The following DSCAM variants were observed in gnomAD, a reference collection of about 807,000 sequenced individuals.
DSCAM encodes the protein cell adhesion molecule DSCAM.
A neutral mutation model predicts 217.7 loss-of-function variants in DSCAM; 47 were observed. The ratio of observed to expected loss-of-function variants is 0.22; its 90% confidence interval spans 0.17 to 0.28. The LOEUF (loss-of-function observed/expected upper bound fraction) is 0.28. Among genes scored for constraint, DSCAM ranks in the 10% least tolerant of loss-of-function variants. DSCAM has a pLI of 1.00. For synonymous variants in DSCAM, 1,056 were observed against 1,015.3 expected, an observed-to-expected ratio of 1.04 and a Z score of -0.76; for missense variants, 2,080 against 2,618.3, an observed-to-expected ratio of 0.79 and a Z score of 4.49.
At chr21:40,667,155 C>T (rs558594195) in intron 3 of DSCAM, among the ~76,000 whole-genome samples, 3 of 152,274 alleles carry the variant, frequency 2.0e-5, no homozygotes, top group Non-Finnish European at 2.9e-5. Context: ...AAGTGAAAGC[C>T]ACTTCCTGTG....
rs10658416 is a variant in DSCAM, at chr21:40,350,877, C to CTTTTTT, written c.934+2582_934+2587dup. 4.1e-3 allele frequency among the ~76,000 whole-genome samples: 264 copies of CTTTTTT among 63,876 alleles called. 50 individuals are homozygous for CTTTTTT. Among genetic ancestry groups the CTTTTTT allele is most frequent in the African/African-American group, 0.016 (244 of 15,414 alleles). 41.9% of individuals were successfully genotyped at this position (63,876 alleles called of 152,430 possible). ...AAAAGTGTTTAGCAAATAAGTCATA[C>CTTTTTT]TTTTTTTTTTTTTTTTTTTTTTTTT... On this transcript the variant is annotated intron_variant, in intron 5 of 32. Coordinates refer to ENST00000400454, the MANE Select transcript of DSCAM (RefSeq NM_001389.5).
At chr21:40,176,815 C>T (rs1045762040) in intron 15 of DSCAM, among the ~76,000 whole-genome samples, 16 of 152,224 alleles carry the variant, frequency 1.1e-4, no homozygotes, top group African/African-American at 3.9e-4. Flanking sequence ...TGCAGACATG[C>T]CAGGCAGCTG....
At chr21:40,260,190 C>A (rs544194252) in intron 11 of DSCAM, among the ~76,000 whole-genome samples, 12 of 152,138 alleles carry the variant, frequency 7.9e-5, no homozygotes, top group Admixed American at 5.2e-4. Flanking sequence ...TCCTTACTTG[C>A]CTGTGTATAC....
At chr21:40,721,659 T>G (rs1022963607) in intron 1 of DSCAM, among the ~76,000 whole-genome samples, 1 of 152,020 alleles carries the variant, frequency 6.6e-6, no homozygotes, top group Admixed American at 6.6e-5. Flanking sequence ...TTAAAAACAG[T>G]AAACACAAAA....
chr21:40,157,251 G>T (rs1016671223), intron 16 of DSCAM, among the ~76,000 whole-genome samples: 8 of 152,196 alleles, frequency 5.3e-5, no homozygotes, highest in African/African-American at 1.7e-4. Context: ...GAGCAGTTAA[G>T]ACCGAGACTG....
intron 11 of DSCAM, among the ~76,000 whole-genome samples, chr21:40,259,273 A>ACTT (rs35885191): frequency 0.52 from 72,663 of 140,116 alleles, 17,673 homozygotes; most frequent in African/African-American, 0.61. Context: ...TCTTTAATGA[A>ACTT]CTCTTTTTTT....
At chr21:40,823,203 TTGTG>T (rs3988411) in intron 1 of DSCAM, among the ~76,000 whole-genome samples, 26,503 of 144,040 alleles carry the variant, frequency 0.18, 2,425 homozygotes, top group Non-Finnish European at 0.21. Context: ...CATACATACA[TTGTG>T]TGTGTGTGTG....
chr21:40,295,940 C>A (rs2073949113), intron 10 of DSCAM, 115 bp downstream of exon 10: 2 of 1,293,158 alleles, frequency 1.5e-6, no homozygotes, highest in East Asian at 2.5e-5. Flanking sequence ...TTGGTGGAAA[C>A]AGAGATACGT....
intron 32 of DSCAM, among the ~76,000 whole-genome samples, chr21:40,017,832 G>A (rs945107007): frequency 1.7e-4 from 26 of 152,164 alleles, no homozygotes; most frequent in South Asian, 2.1e-4. Context: ...GATTACAGGC[G>A]TGAGCCACCG....
intron 1 of DSCAM, among the ~76,000 whole-genome samples, chr21:40,787,284 T>C (rs1046639735): frequency 7.9e-5 from 12 of 152,206 alleles, no homozygotes; most frequent in Admixed American, 5.2e-4. Flanking sequence ...GAGATATCAA[T>C]TACATCTTGC....
intron 21 of DSCAM, among the ~76,000 whole-genome samples, chr21:40,089,315 TG>T: frequency 6.6e-6 from 1 of 152,346 alleles, no homozygotes; most frequent in South Asian, 2.1e-4. Context: ...CACAGCCTTG[TG>T]GATTCAGCAG....
chr21:40,131,442 T>C lies in DSCAM; in HGVS notation c.3562+2412A>G, dbSNP rs2090153359. 2.0e-5 allele frequency among the ~76,000 whole-genome samples: 3 copies of C among 152,238 alleles called. No homozygotes were observed. The South Asian group carries it at 6.2e-4, about 31-fold the overall frequency. On this transcript the variant is annotated intron_variant, in intron 19 of 32. Coordinates refer to ENST00000400454, the MANE Select transcript of DSCAM (RefSeq NM_001389.5). ...TCTTCACTCCACCTCTTTTTTCTTTTTGAGACAGAGTCTCGATCCGTCACC... is the reference window on the plus strand; with the variant it reads ...TCTTCACTCCACCTCTTTTTTCTTTCTGAGACAGAGTCTCGATCCGTCACC...
intron 3 of DSCAM, among the ~76,000 whole-genome samples, chr21:40,689,599 G>A (rs924276025): frequency 1.3e-5 from 2 of 152,160 alleles, no homozygotes; most frequent in Non-Finnish European, 2.9e-5. Context: ...TTAGTTAATC[G>A]CTTTTCTCCA....
chr21:40,464,525 G>T (rs1430121187), intron 3 of DSCAM, among the ~76,000 whole-genome samples: 1 of 152,090 alleles, frequency 6.6e-6, no homozygotes, highest in Non-Finnish European at 1.5e-5. Flanking sequence ...CTATCTACAA[G>T]CACTGTCCAA....
chr21:40,793,857 C>A (rs1260003768), intron 1 of DSCAM, among the ~76,000 whole-genome samples: 1 of 151,902 alleles, frequency 6.6e-6, no homozygotes, highest in African/African-American at 2.4e-5. Context: ...CTGGCTTAGA[C>A]AAAAAATCAT....
chr21:40,365,849 TCAGAGAA>T (rs2074826870), intron 4 of DSCAM, among the ~76,000 whole-genome samples: 1 of 152,200 alleles, frequency 6.6e-6, no homozygotes, highest in Non-Finnish European at 1.5e-5. Flanking sequence ...CTAGTTATCC[TCAGAGAA>T]AGAATGACTT....
chr21:40,348,148 G>A (rs867401596), intron 5 of DSCAM, among the ~76,000 whole-genome samples: 1 of 90,506 alleles, frequency 1.1e-5, no homozygotes, highest in Non-Finnish European at 2.4e-5. Flanking sequence ...GTTCCCATCA[G>A]CCACATTATT....
chr21:40,217,476 T>C lies in DSCAM; in HGVS notation c.2357-28238A>G, dbSNP rs189760864. On this transcript the variant is annotated intron_variant, in intron 11 of 32. Transcript: ENST00000400454. ...GTTTAGTTACATAGGTAAACTTGTG[T>C]TATGGGGGTTTGTTGTATAGATTAT... 1.5e-3 allele frequency among the ~76,000 whole-genome samples: 226 copies of C among 152,252 alleles called. 1 individual carries two copies. Among genetic ancestry groups the C allele is most frequent in the Admixed American group, 3.1e-3 (47 of 15,286 alleles).
At chr21:40,103,841 T>C (rs2089784273) in intron 20 of DSCAM, among the ~76,000 whole-genome samples, 2 of 150,924 alleles carry the variant, frequency 1.3e-5, no homozygotes, top group African/African-American at 4.9e-5. Flanking sequence ...TGTCTATATA[T>C]ATGACTATAT....
Sources: gnomAD v4.1 joint callset for allele counts (sites outside exome capture counted in the v4.1 genomes callset) on GRCh38, gnomAD v4.1.1 for gene constraint, MANE v1.5 for transcripts, NCBI Gene and HGNC (gene_info 2026-07-23, HGNC 2026-07-21) for gene names.